The following ESRRG variants were observed in gnomAD, a reference collection of about 807,000 sequenced individuals.
ESRRG encodes estrogen-related receptor gamma.
In ESRRG, 13 loss-of-function variants were observed where a neutral mutation model predicts 44.0. The ratio of observed to expected loss-of-function variants is 0.30; its 90% CI spans 0.19 to 0.47. The LOEUF (loss-of-function observed/expected upper bound fraction) is 0.47, where lower values mean the gene tolerates loss of function less well. ESRRG is among the 20% of genes least tolerant of loss of function. The probability of loss-of-function intolerance (pLI) is 1.00; values close to 1 mark genes in which losing one functional copy is unlikely to be tolerated. For missense variants in ESRRG, 395 were observed against 580.6 expected (o/e 0.68, Z 3.29); for synonymous variants, 215 against 214.6 (o/e 1.00, Z -0.02).
chr1:216,530,975 T>C (rs2049201646), intron 5 of ESRRG, among the ~76,000 whole-genome samples: 4 of 152,014 alleles, frequency 2.6e-5, no homozygotes, highest in African/African-American at 7.2e-5. Flanking sequence ...TTTCCTAAAA[T>C]AGAAACTATA....
At chr1:216,632,999 A>G (rs1435432451) in intron 3 of ESRRG, among the ~76,000 whole-genome samples, 8 of 152,158 alleles carry the variant, frequency 5.3e-5, no homozygotes, top group Non-Finnish European at 1.2e-4. Flanking sequence ...AGAGAGAGAG[A>G]GGGAGATCTC....
intron 2 of ESRRG, among the ~76,000 whole-genome samples, chr1:216,674,615 C>CTT (rs5780904): frequency 0.013 from 1,652 of 127,886 alleles, 20 homozygotes; most frequent in African/African-American, 0.013. Context: ...TTTGGGTAAA[C>CTT]TTTTTTTTTT....
chr1:216,594,154 G>C (rs1305908220), intron 3 of ESRRG, among the ~76,000 whole-genome samples: 2 of 152,128 alleles, frequency 1.3e-5, no homozygotes, highest in African/African-American at 4.8e-5. Flanking sequence ...TCAGATGTGT[G>C]CCCTTTATCT....
chr1:216,931,403 TCCCTTGACC>T (rs2063321320), intron 2 of ESRRG, among the ~76,000 whole-genome samples: 1 of 152,224 alleles, frequency 6.6e-6, no homozygotes, highest in Non-Finnish European at 1.5e-5. Context: ...AAAAATGTTT[TCCCTTGACC>T]CACACTGAGA....
chr1:216,854,662 C>T (rs12063350), intron 2 of ESRRG, among the ~76,000 whole-genome samples: 5,104 of 152,210 alleles, frequency 0.034, 303 homozygotes, highest in African/African-American at 0.11. Context: ...GAGGTAACTA[C>T]TTATGGCTAT....
intron 3 of ESRRG, among the ~76,000 whole-genome samples, chr1:216,610,333 A>G (rs986749989): frequency 3.9e-5 from 6 of 152,048 alleles, no homozygotes; most frequent in African/African-American, 1.2e-4. Flanking sequence ...CAATATGCCC[A>G]TCAACCAGCT....
intron 3 of ESRRG, among the ~76,000 whole-genome samples, chr1:216,586,727 C>T (rs573867885): frequency 8.3e-4 from 121 of 145,748 alleles, no homozygotes; most frequent in African/African-American, 3.0e-3. Flanking sequence ...AGGCGCCCAC[C>T]ACCATGCCTG....
At chr1:216,642,675 CT>C (rs1380106647) in intron 3 of ESRRG, among the ~76,000 whole-genome samples, 1 of 152,060 alleles carries the variant, frequency 6.6e-6, no homozygotes, top group African/African-American at 2.4e-5. Context: ...AAATATTTTC[CT>C]TGAATACCAT....
chr1:217,085,636 G>T (rs868486248), intron 1 of ESRRG, among the ~76,000 whole-genome samples: 8 of 151,396 alleles, frequency 5.3e-5, no homozygotes, highest in Middle Eastern at 3.2e-3. Context: ...GATTACAGGT[G>T]CGCACCACCA....
chr1:216,583,894 T>C (rs2063270554), intron 3 of ESRRG, among the ~76,000 whole-genome samples: 1 of 152,138 alleles, frequency 6.6e-6, no homozygotes, highest in East Asian at 1.9e-4. Flanking sequence ...CCATCAGATC[T>C]CATGAAACTT....
At chr1:216,752,169 T>C (rs2092082794) in intron 2 of ESRRG, among the ~76,000 whole-genome samples, 1 of 152,120 alleles carries the variant, frequency 6.6e-6, no homozygotes, top group African/African-American at 2.4e-5. Context: ...AACTGAGATG[T>C]AAAAGAGTTA....
chr1:216,821,562 G>A (rs994550426), intron 2 of ESRRG, among the ~76,000 whole-genome samples: 11 of 151,164 alleles, frequency 7.3e-5, no homozygotes, highest in Admixed American at 2.6e-4. Context: ...GCCTATTCCC[G>A]TAGTCCCAGC....
intron 2 of ESRRG, among the ~76,000 whole-genome samples, chr1:216,754,749 C>T (rs1021420551): frequency 2.1e-5 from 3 of 142,546 alleles, no homozygotes; most frequent in Admixed American, 7.3e-5. Context: ...TTGCGTGTTG[C>T]GTAAAAGATT....
intron 4 of ESRRG, 51 bp from the exon 5 acceptor site, chr1:216,564,431 T>C: frequency 2.8e-6 from 4 of 1,437,184 alleles, no homozygotes; most frequent in Admixed American, 2.2e-5. Context: ...ATCATCCCTC[T>C]TTTATAAACC....
exon 1 of ESRRG, chr1:217,089,587 T>C (rs2092293855): frequency 6.6e-6 from 1 of 152,252 alleles, no homozygotes; most frequent in South Asian, 2.1e-4. Context: ...TTTCTTTGGC[T>C]ATGAAAGTCT....
chr1:216,757,449 A>C (rs1378020780), intron 2 of ESRRG, among the ~76,000 whole-genome samples: 1 of 152,090 alleles, frequency 6.6e-6, no homozygotes, highest in Non-Finnish European at 1.5e-5. Flanking sequence ...GTATAAAACA[A>C]AAGCTTAATG....
At chr1:217,095,796 G>T (rs2092414609) in intron 1 of ESRRG, among the ~76,000 whole-genome samples, 1 of 152,168 alleles carries the variant, frequency 6.6e-6, no homozygotes, top group Admixed American at 6.5e-5. Context: ...TGGGAGGAAG[G>T]TTGGGGCCCA....
chr1:216,887,751 T>C (rs541611814), intron 2 of ESRRG, among the ~76,000 whole-genome samples: 33 of 152,176 alleles, frequency 2.2e-4, no homozygotes, highest in Non-Finnish European at 4.3e-4. Flanking sequence ...CTCATCATCA[T>C]TGAACTGTAT....
chr1:216,691,963 C>T (rs1471358963), intron 1 of ESRRG, among the ~76,000 whole-genome samples: 1 of 152,140 alleles, frequency 6.6e-6, no homozygotes, highest in Non-Finnish European at 1.5e-5. Flanking sequence ...TAAACAAACA[C>T]ATTGCACTGC....
Sources: allele counts gnomAD v4.1 joint callset (sites outside exome capture counted in the v4.1 genomes callset), GRCh38; gene constraint gnomAD v4.1.1; transcripts MANE v1.5; gene names NCBI Gene and HGNC (gene_info 2026-07-23, HGNC 2026-07-21).